Variants in CNOT4 observed in about 807,000 individuals in gnomAD.
CNOT4 encodes the protein CCR4-associated factor 4.
In CNOT4, 8 loss-of-function variants were observed where a neutral mutation model predicts 73.8. That is an observed-to-expected ratio of 0.11 (90% confidence interval 0.06 to 0.20). CNOT4 has a LOEUF of 0.20. Ranked by LOEUF, CNOT4 falls within the 10% of genes least tolerant of loss-of-function variation. The pLI, the probability that CNOT4 is intolerant of heterozygous loss-of-function variation, is 1.00. For synonymous variants in CNOT4, 293 were observed against 321.1 expected, an observed-to-expected ratio of 0.91 and a Z score of 0.94; for missense variants, 564 against 883.4, an observed-to-expected ratio of 0.64 and a Z score of 4.58.
intron 1 of CNOT4, among the ~76,000 whole-genome samples, chr7:135,487,854 C>T (rs1802833674): frequency 1.3e-5 from 2 of 152,178 alleles, no homozygotes; most frequent in South Asian, 2.1e-4. Context: ...GAGATCGAGA[C>T]CACCCTGGCT....
intron 7 of CNOT4, among the ~76,000 whole-genome samples, chr7:135,410,285 C>T (rs957104250): frequency 6.6e-6 from 1 of 152,080 alleles, no homozygotes; most frequent in Non-Finnish European, 1.5e-5. Flanking sequence ...CTGCAAATCA[C>T]CACAAAAGGT....
At chr7:135,389,249 A>C in intron 10 of CNOT4, among the ~76,000 whole-genome samples, 1 of 151,818 alleles carries the variant, frequency 6.6e-6, no homozygotes, top group East Asian at 1.9e-4. Context: ...GTAAATATTA[A>C]TAGTATTTTG....
At chr7:135,463,053 T>C (rs980125350) in intron 1 of CNOT4, among the ~76,000 whole-genome samples, 2 of 152,228 alleles carry the variant, frequency 1.3e-5, no homozygotes, top group African/African-American at 4.8e-5. Context: ...TGCAGCCTTA[T>C]TTCTGGGCCC....
At chr7:135,379,537 A>T (rs1490390755) in intron 10 of CNOT4, among the ~76,000 whole-genome samples, 1 of 152,136 alleles carries the variant, frequency 6.6e-6, no homozygotes, top group Non-Finnish European at 1.5e-5. Context: ...CTAAATGGGG[A>T]TTGGGGGGAG....
rs377392481 is a variant in CNOT4 at position 135,363,915 on chromosome 7, G to A, written c.1779C>T (p.Ala593=). Residue 593 remains alanine, a synonymous_variant, in exon 11 of 12, where the codon GCC becomes GCT. Coordinates refer to ENST00000541284, the MANE Select transcript of CNOT4 (RefSeq NM_001190850.2). This position sits in a 1 kb window ranked among gnomAD's most constrained non-coding sequence, Gnocchi z 4.3. Reference sequence around the variant, plus strand: ...TGTCCCAACTCAGGCTGTCGGTGGTGGCAGTGTTGGACGTTGGTGCACTGT... The same window carrying A: ...TGTCCCAACTCAGGCTGTCGGTGGTAGCAGTGTTGGACGTTGGTGCACTGT... ...ANHSAPTSNT[A]TTDSLSWDSP... 14 of 1,598,330 alleles carry A rather than the reference G, an allele frequency of 8.8e-6. No individual in the cohort carries two copies. In the African/African-American group the frequency reaches 1.1e-4, roughly 12 times the overall value.
intron 1 of CNOT4, among the ~76,000 whole-genome samples, chr7:135,462,364 C>T (rs1403667932): frequency 6.6e-6 from 1 of 152,126 alleles, no homozygotes; most frequent in Non-Finnish European, 1.5e-5. Context: ...CCATCTCCCT[C>T]GATCCAATCT....
chr7:135,416,022 T>C (rs776646974), intron 3 of CNOT4, among the ~76,000 whole-genome samples: 3 of 152,162 alleles, frequency 2.0e-5, no homozygotes, highest in Non-Finnish European at 2.9e-5. Flanking sequence ...AACTTAACCT[T>C]GGCTAATTTG....
intron 10 of CNOT4, among the ~76,000 whole-genome samples, chr7:135,393,119 G>A (rs930079014): frequency 3.3e-5 from 5 of 152,042 alleles, no homozygotes; most frequent in East Asian, 1.9e-4. Context: ...AAAGTTAAAC[G>A]AGAACACTAT....
At chr7:135,491,001 T>C (rs1366321145) in intron 1 of CNOT4, among the ~76,000 whole-genome samples, 1 of 152,190 alleles carries the variant, frequency 6.6e-6, no homozygotes, top group African/African-American at 2.4e-5. Flanking sequence ...GATAAGAAGA[T>C]AAGACAGCAA....
intron 1 of CNOT4, among the ~76,000 whole-genome samples, chr7:135,446,151 G>A (rs1799811485): frequency 6.6e-6 from 1 of 152,162 alleles, no homozygotes; most frequent in South Asian, 2.1e-4. Context: ...AAAGTGCTGG[G>A]ATTACAGGCA....
chr7:135,410,011 A>AT (rs1487575016), intron 7 of CNOT4, among the ~76,000 whole-genome samples: 5 of 152,086 alleles, frequency 3.3e-5, no homozygotes, highest in African/African-American at 9.7e-5. Context: ...GTCTCCTAAG[A>AT]TAAGTAAGAT....
At chr7:135,508,519 C>T (rs903480098) in intron 1 of CNOT4, among the ~76,000 whole-genome samples, 1 of 152,138 alleles carries the variant, frequency 6.6e-6, no homozygotes, top group Non-Finnish European at 1.5e-5. Context: ...TTTTCTTTTG[C>T]ATACATAACT....
At chr7:135,461,079 C>G (rs1335704518) in intron 1 of CNOT4, among the ~76,000 whole-genome samples, 1 of 152,152 alleles carries the variant, frequency 6.6e-6, no homozygotes, top group Non-Finnish European at 1.5e-5. Context: ...AGTTTGCCAA[C>G]ACCTGGTTTA....
chr7:135,367,946 A>G (rs1273538426), intron 10 of CNOT4, among the ~76,000 whole-genome samples: 4 of 151,992 alleles, frequency 2.6e-5, no homozygotes, highest in Non-Finnish European at 4.4e-5. Flanking sequence ...AATCGATAAT[A>G]TATTTAGATG....
At chr7:135,477,134 G>A (rs1380091369) in intron 1 of CNOT4, among the ~76,000 whole-genome samples, 1 of 152,100 alleles carries the variant, frequency 6.6e-6, no homozygotes, top group East Asian at 1.9e-4. Flanking sequence ...TCGAGGTCAG[G>A]AGTTCGAGGC....
intron 10 of CNOT4, chr7:135,387,646 A>C (rs1419644968): frequency 5.1e-6 from 5 of 984,482 alleles, no homozygotes; most frequent in Non-Finnish European, 6.0e-6. Flanking sequence ...CAGATGCTTC[A>C]TGTAGGCAGA....
At chr7:135,410,892 T>A (rs553720079) in intron 6 of CNOT4, among the ~76,000 whole-genome samples, 1 of 151,854 alleles carries the variant, frequency 6.6e-6, no homozygotes, top group Non-Finnish European at 1.5e-5. Flanking sequence ...ATATATCTGA[T>A]AAATTAAATT....
At chr7:135,461,349 T>C (rs1311341023) in intron 1 of CNOT4, among the ~76,000 whole-genome samples, 6 of 152,200 alleles carry the variant, frequency 3.9e-5, no homozygotes, top group African/African-American at 1.4e-4. Flanking sequence ...GTTTTGCTAA[T>C]GTTCATAACT....
intron 1 of CNOT4, among the ~76,000 whole-genome samples, chr7:135,487,635 C>T (rs946134830): frequency 2.0e-5 from 3 of 151,906 alleles, no homozygotes; most frequent in African/African-American, 7.3e-5. Flanking sequence ...TTTCCAAATG[C>T]CTAACAAAGC....
Sources: allele counts gnomAD v4.1 joint callset (sites outside exome capture counted in the v4.1 genomes callset), GRCh38; gene constraint gnomAD v4.1.1; non-coding constraint Gnocchi (gnomAD v3.1); transcripts MANE v1.5; gene names NCBI Gene and HGNC (gene_info 2026-07-23, HGNC 2026-07-21).